PAK3: variants seen among roughly 807,000 people sequenced by gnomAD.
PAK3 encodes p21 (RAC1) activated kinase 3, also known as serine/threonine-protein kinase PAK 3.
In PAK3, 4 loss-of-function variants were observed where a neutral mutation model predicts 41.0. The observed-to-expected ratio is 0.10, with a 90% CI of 0.05 to 0.22. The LOEUF (loss-of-function observed/expected upper bound fraction) is 0.22, where lower values mean the gene tolerates loss of function less well. Among genes scored for constraint, PAK3 ranks in the 10% least tolerant of loss-of-function variants. The pLI is 1.00. For synonymous variants in PAK3, 146 were observed against 139.6 expected (o/e 1.05, Z -0.32); for missense variants, 205 against 409.9 (o/e 0.50, Z 4.32).
At chrX:111,204,941 ATTTT>A (rs775428482) in intron 16 of PAK3, among the ~76,000 whole-genome samples, 1 of 32,481 alleles carries the variant, frequency 3.1e-5, no homozygotes, top group Non-Finnish European at 5.3e-5. Flanking sequence ...TCATCAGCAC[ATTTT>A]TTTTTTTTTT....
At chrX:111,023,710 A>G (rs1359692374) in intron 1 of PAK3, among the ~76,000 whole-genome samples, 2 of 112,079 alleles carry the variant, frequency 1.8e-5, no homozygotes, top group Admixed American at 9.4e-5. Flanking sequence ...GGGTCTGTTC[A>G]TATCCTTCAC....
intron 5 of PAK3, among the ~76,000 whole-genome samples, chrX:111,132,229 A>T (rs1264054441): frequency 1.8e-5 from 2 of 110,880 alleles, no homozygotes; most frequent in East Asian, 5.7e-4. Context: ...TGTCACCCAT[A>T]GGAGGTGGAT....
At chrX:111,059,190 A>T (rs1336337398) in intron 1 of PAK3, among the ~76,000 whole-genome samples, 1 of 69,532 alleles carries the variant, frequency 1.4e-5, no homozygotes, top group Non-Finnish European at 2.7e-5. Flanking sequence ...TATGTTTTTG[A>T]TACAGGGTAT....
intron 1 of PAK3, among the ~76,000 whole-genome samples, chrX:111,014,391 T>A (rs1157405807): frequency 1.8e-5 from 2 of 111,501 alleles, no homozygotes; most frequent in African/African-American, 3.3e-5. Flanking sequence ...AAAGTAGACA[T>A]GCCTTAAAAA....
At chrX:111,019,220 G>C (rs1018053630) in intron 1 of PAK3, among the ~76,000 whole-genome samples, 5 of 111,026 alleles carry the variant, frequency 4.5e-5, no homozygotes, top group East Asian at 2.8e-4. Flanking sequence ...AAAAGCATAG[G>C]CAACAAAAAA....
At chrX:111,067,880 A>T (rs1392673868) in intron 1 of PAK3, among the ~76,000 whole-genome samples, 3 of 109,949 alleles carry the variant, frequency 2.7e-5, no homozygotes, top group African/African-American at 9.9e-5. Flanking sequence ...ATCTTGTTGT[A>T]CCCTCTGGAA....
intron 1 of PAK3, among the ~76,000 whole-genome samples, chrX:111,020,260 C>T (rs1334461585): frequency 8.9e-6 from 1 of 111,861 alleles, no homozygotes; most frequent in Non-Finnish European, 1.9e-5. Context: ...AATGGATGAA[C>T]TTTGAAGACA....
intron 8 of PAK3, among the ~76,000 whole-genome samples, chrX:111,152,968 C>G (rs1445206372): frequency 9.0e-6 from 1 of 111,631 alleles, no homozygotes; most frequent in African/African-American, 3.3e-5. Context: ...ACATTGAAGG[C>G]TCTCTAGAAA....
chrX:110,957,078 G>A (rs768193309), intron 1 of PAK3, among the ~76,000 whole-genome samples: 2 of 111,712 alleles, frequency 1.8e-5, no homozygotes, highest in East Asian at 5.7e-4. Context: ...ATTCCCCAAT[G>A]TTTCTGCCTT....
At chrX:110,994,805 C>T (rs908164405) in intron 1 of PAK3, among the ~76,000 whole-genome samples, 5 of 111,550 alleles carry the variant, frequency 4.5e-5, no homozygotes, top group African/African-American at 1.6e-4. Context: ...TAGTTATCCT[C>T]ATCTATGGAG....
chrX:111,016,811 A>T (rs1186366703), intron 1 of PAK3, among the ~76,000 whole-genome samples: 1 of 109,048 alleles, frequency 9.2e-6, no homozygotes, highest in African/African-American at 3.3e-5. Flanking sequence ...AGAGGAGAGG[A>T]GAGGAGGCAA....
chrX:110,952,591 A>G (rs1304026822), intron 1 of PAK3, among the ~76,000 whole-genome samples: 1 of 110,779 alleles, frequency 9.0e-6, no homozygotes, highest in Non-Finnish European at 1.9e-5. Flanking sequence ...CATTCACTTT[A>G]TCTAGTGTGG....
intron 16 of PAK3, among the ~76,000 whole-genome samples, chrX:111,213,971 G>A (rs1176336252): frequency 9.0e-6 from 1 of 111,639 alleles, no homozygotes; most frequent in Non-Finnish European, 1.9e-5. Context: ...TGTTGGCATG[G>A]AGGTCCTAAT....
intron 1 of PAK3, among the ~76,000 whole-genome samples, chrX:111,073,475 G>T (rs1407867122): frequency 1.8e-5 from 2 of 111,496 alleles, no homozygotes; most frequent in African/African-American, 6.5e-5. Flanking sequence ...CAAATGTTTA[G>T]CTAGACTAAG....
chrX:111,075,011 C>A (rs946309000), intron 1 of PAK3, among the ~76,000 whole-genome samples: 1 of 111,624 alleles, frequency 9.0e-6, no homozygotes, highest in Non-Finnish European at 1.9e-5. Context: ...AAGAGATGGC[C>A]AGGCAGCTTA....
intron 1 of PAK3, among the ~76,000 whole-genome samples, chrX:111,035,626 T>C (rs1255666018): frequency 8.9e-6 from 1 of 111,894 alleles, no homozygotes; most frequent in East Asian, 2.8e-4. Context: ...AGAAAGAAAA[T>C]TCTTTAAAAA....
At chrX:111,138,207 T>C (rs1603292091) in intron 5 of PAK3, among the ~76,000 whole-genome samples, 2 of 110,853 alleles carry the variant, frequency 1.8e-5, no homozygotes, top group East Asian at 5.7e-4. Flanking sequence ...CCCACTTATC[T>C]ATAAAACAAG....
At chrX:110,996,066 G>A (rs193056012) in intron 1 of PAK3, among the ~76,000 whole-genome samples, 11 of 111,800 alleles carry the variant, frequency 9.8e-5, no homozygotes, top group African/African-American at 3.2e-4. Context: ...CACTCAGAGA[G>A]CATTAAAAAA....
At chrX:111,165,588 G>A (rs970194065) in intron 10 of PAK3, among the ~76,000 whole-genome samples, 2 of 112,187 alleles carry the variant, frequency 1.8e-5, no homozygotes, top group Admixed American at 1.9e-4. Flanking sequence ...TAAAAAGGAA[G>A]AACTAAATGA....
Sources: allele counts gnomAD v4.1 joint callset (sites outside exome capture counted in the v4.1 genomes callset), GRCh38; gene constraint gnomAD v4.1.1; transcripts MANE v1.5; gene names NCBI Gene and HGNC (gene_info 2026-07-23, HGNC 2026-07-21).